PLG: variants seen among roughly 807,000 people sequenced by gnomAD.
PLG encodes plasminogen, also known as plasmin.
Under a neutral mutation model 104.4 loss-of-function variants are expected in PLG, and 41 were observed. The observed-to-expected ratio is 0.39, with a 90% confidence interval of 0.31 to 0.51. PLG has a LOEUF of 0.51. PLG is among the 20% of genes least tolerant of loss of function. The pLI is 0.76. For synonymous variants in PLG, 337 were observed against 357.1 expected (o/e 0.94, Z 0.63); for missense variants, 891 against 1,003.6 (o/e 0.89, Z 1.52).
At chr6:160,712,801 A>C (rs867955841) in intron 4 of PLG, among the ~76,000 whole-genome samples, 185 bp from the exon 5 acceptor site, 2 of 152,326 alleles carry the variant, frequency 1.3e-5, no homozygotes, top group Non-Finnish European at 2.9e-5. Flanking sequence ...AATATTAGCT[A>C]CTGTGCCAGA....
upstream of PLG, chr6:160,702,226 G>A (rs1582927315): frequency 6.5e-7 from 1 of 1,532,262 alleles, no homozygotes; most frequent in East Asian, 2.2e-5. Context: ...TCTGGTTTGT[G>A]GATGCGTTTA....
In PLG at chr6:160,748,439, A is replaced by G. The variant is rs1778331294; in HGVS notation, c.2126-3676A>G. ...AAGGGAAAGAAAGAGAACGAAAGAA[A>G]GAAGGGAGGGAGGGAGGGAGGGAGG... On this transcript the variant is annotated intron_variant, in intron 17 of 18. Transcript: ENST00000308192. Among the ~76,000 whole-genome samples, 2 of 53,464 alleles carry G rather than the reference A, an allele frequency of 3.7e-5. 1 individual carries two copies. Among genetic ancestry groups the G allele is most frequent in the Non-Finnish European group, 8.1e-5 (2 of 24,750 alleles). The allele number at this position is 53,464 out of a possible 152,430, so 35.1% of individuals were successfully genotyped here. A position where few individuals can be genotyped will look rare whatever the true frequency, so the allele number is the denominator to read the frequency against.
chr6:160,703,514 G>A (rs966089070), intron 1 of PLG, among the ~76,000 whole-genome samples: 12 of 152,180 alleles, frequency 7.9e-5, no homozygotes, highest in Admixed American at 4.6e-4. Flanking sequence ...TCATACAAAC[G>A]GAATCATACG....
Position 160,731,633 on chromosome 6 carries a change from G to T in PLG, c.1439-112G>T. ...AGTCTTCAGCATTGCAGTTTCTGAG[G>T]AATGTGGCCCCTGATTCTGTCATCC... On this transcript the variant is annotated intron_variant, in intron 11 of 18. Coordinates refer to ENST00000308192, the MANE Select transcript of PLG (RefSeq NM_000301.5). The surrounding 1 kb of genome is among the most constrained non-coding windows in gnomAD (Gnocchi z 5.1). The T allele has an allele frequency of 2.0e-6, 2 of 1,015,584 alleles. No homozygotes were observed. Among genetic ancestry groups the T allele is most frequent in the Non-Finnish European group, 1.6e-6 (1 of 640,976 alleles). The allele number at this position is 1,015,584 out of a possible 1,614,324, so 62.9% of individuals were successfully genotyped here.
Position 160,738,622 on chromosome 6 carries a change from G to C in PLG, c.1877+10G>C. On this transcript the variant is annotated intron_variant, in intron 15 of 18. Coordinates refer to ENST00000308192, the MANE Select transcript of PLG (RefSeq NM_000301.5). This position sits in a 1 kb window ranked among gnomAD's most constrained non-coding sequence, Gnocchi z 6.8. ...CCCACTGCTTGGAGAAGTATGTTTA[G>C]GGGACAATTGACATGAAGTCTTGTC... 1 of 1,552,310 alleles carries C rather than the reference G, an allele frequency of 6.4e-7. No individual in the cohort carries two copies. Among genetic ancestry groups the C allele is most frequent in the Non-Finnish European group, 8.9e-7 (1 of 1,123,542 alleles).
At chr6:160,710,681 TTC>T (rs1164523646) in intron 3 of PLG, among the ~76,000 whole-genome samples, 1 of 152,228 alleles carries the variant, frequency 6.6e-6, no homozygotes, top group African/African-American at 2.4e-5. Flanking sequence ...CCTTTCCCCA[TTC>T]TCTCACTCTG....
chr6:160,716,831 T>C (rs1324283833), intron 7 of PLG, 68 bp downstream of exon 7: 1 of 940,142 alleles, frequency 1.1e-6, no homozygotes, highest in African/African-American at 1.6e-5. Flanking sequence ...AAAGAAAACA[T>C]GTGTCAGTGC....
upstream of PLG, chr6:160,702,211 G>T (rs1035727453): frequency 5.0e-6 from 7 of 1,402,030 alleles, no homozygotes; most frequent in Non-Finnish European, 7.0e-6. Context: ...AACTTAATTT[G>T]ACTATCTGGT....
rs1777909665 is a variant in PLG at position 160,725,622 on chromosome 6, A to G, written c.1256+3055A>G. On this transcript the variant is annotated intron_variant, in intron 10 of 18. Transcript: ENST00000308192. The surrounding 1 kb of genome is among the most constrained non-coding windows in gnomAD (Gnocchi z 6.3). The stretch of plus-strand genomic sequence containing the variant: ...TGAAAATATATTTAATATACTCCTA[A>G]GCATATTAAATATAAAGGGATTAAA... 6.6e-6 allele frequency among the ~76,000 whole-genome samples: 1 copy of G among 152,180 alleles called. No individual in the cohort carries two copies. The highest frequency in any genetic ancestry group is 1.5e-5 in the Non-Finnish European group (1 of 68,022).
chr6:160,704,436 T>C (rs1272209240), intron 1 of PLG, among the ~76,000 whole-genome samples: 1 of 152,172 alleles, frequency 6.6e-6, no homozygotes, highest in Non-Finnish European at 1.5e-5. Context: ...CTGCTATACT[T>C]CAAAAAAACT....
rs1777876990 is a variant in PLG at position 160,723,372 on chromosome 6, GA to G, written c.1256+811del. 6.6e-6 allele frequency among the ~76,000 whole-genome samples: 1 copy of G among 152,038 alleles called. No homozygotes were observed. The highest frequency in any genetic ancestry group is 1.5e-5 in the Non-Finnish European group (1 of 67,998). On this transcript the variant is annotated intron_variant, in intron 10 of 18. Transcript: ENST00000308192. The surrounding 1 kb of genome is among the most constrained non-coding windows in gnomAD (Gnocchi z 4.7). The stretch of plus-strand genomic sequence containing the variant: ...TCCATAAATGAGTACACAATATATG[GA>G]AAAAACTATTTTTACATATTGGAGA...
At chr6:160,745,761 G>T (rs115748744) in intron 17 of PLG, among the ~76,000 whole-genome samples, 1,896 of 152,294 alleles carry the variant, frequency 0.012, 37 homozygotes, top group African/African-American at 0.043. Context: ...GTATATTTTT[G>T]TATTGGCTGG....
At chr6:160,704,159 G>A (rs1482510639) in intron 1 of PLG, among the ~76,000 whole-genome samples, 2 of 152,156 alleles carry the variant, frequency 1.3e-5, no homozygotes, top group Non-Finnish European at 2.9e-5. Flanking sequence ...TTTGTTTGAT[G>A]TTTCCTTGCC....
In PLG at chr6:160,719,003, T is replaced by C. The variant is rs1777790155; in HGVS notation, c.1096+165T>C. ...TTTTTAGATTTGTTGAGGTTTGTTT[T>C]ATGGTTCAGAATATAGCCATCTTGG... On this transcript the variant is annotated intron_variant, in intron 9 of 18. Coordinates refer to ENST00000308192, the MANE Select transcript of PLG (RefSeq NM_000301.5). This position sits in a 1 kb window ranked among gnomAD's most constrained non-coding sequence, Gnocchi z 4.1. Among the ~76,000 whole-genome samples, 2 of 152,232 alleles carry C rather than the reference T, an allele frequency of 1.3e-5. No homozygotes were observed. The highest frequency in any genetic ancestry group is 2.9e-5 in the Non-Finnish European group (2 of 68,044).
At chr6:160,704,879 A>G (rs1777488813) in intron 1 of PLG, among the ~76,000 whole-genome samples, 2 of 152,122 alleles carry the variant, frequency 1.3e-5, no homozygotes, top group Admixed American at 1.3e-4. Context: ...CCTTTCTGAG[A>G]ATGAAAATCT....
chr6:160,706,290 T>C (rs928376301), intron 1 of PLG, 117 bp from the exon 2 acceptor site: 6 of 1,368,512 alleles, frequency 4.4e-6, no homozygotes, highest in Non-Finnish European at 6.2e-6. Context: ...CTACTTCCAG[T>C]AAACAGAAAG....
chr6:160,714,950 T>C (rs750611695), intron 6 of PLG, 36 bp downstream of exon 6: 22 of 1,602,826 alleles, frequency 1.4e-5, no homozygotes, highest in Non-Finnish European at 8.5e-7. Context: ...CATGTTTAAT[T>C]AAGGCTCTGC....
At chr6:160,730,933 T>C in intron 10 of PLG, 118 bp from the exon 11 acceptor site, 1 of 948,958 alleles carries the variant, frequency 1.1e-6, no homozygotes, top group Non-Finnish European at 1.7e-6. Context: ...ATTGTACCTA[T>C]AATGGGAATA....
In PLG at chr6:160,736,403, G is replaced by A. The variant is rs1444590132; in HGVS notation, c.1682-484G>A. 6.6e-6 allele frequency among the ~76,000 whole-genome samples: 1 copy of A among 151,958 alleles called. No individual in the cohort carries two copies. The highest frequency in any genetic ancestry group is 2.4e-5 in the African/African-American group (1 of 41,344). ...CAATCACATACACACACACACACAC[G>A]TGCACACACAGAGACTCACATGGAA... On this transcript the variant is annotated intron_variant, in intron 13 of 18. Transcript: ENST00000308192. The surrounding 1 kb of genome is among the most constrained non-coding windows in gnomAD (Gnocchi z 5.2).
Sources: gnomAD v4.1 joint callset for allele counts (sites outside exome capture counted in the v4.1 genomes callset) on GRCh38, gnomAD v4.1.1 for gene constraint, Gnocchi (gnomAD v3.1) non-coding constraint, MANE v1.5 for transcripts, NCBI Gene and HGNC (gene_info 2026-07-23, HGNC 2026-07-21) for gene names.